The following YY1AP1 variants were observed in gnomAD, a reference collection of about 807,000 sequenced individuals.
The protein encoded by YY1AP1 is YY1-associated protein 1.
YY1AP1 carries 43 observed loss-of-function variants against 39.9 expected under a neutral mutation model. That is an observed-to-expected ratio of 1.08 (90% CI 0.84 to 1.39). YY1AP1 has a LOEUF of 1.39. YY1AP1 is among the 40% of genes most tolerant of loss of function. The pLI is 0.00. For missense variants in YY1AP1, 813 were observed against 900.7 expected (o/e 0.90, Z 1.25); for synonymous variants, 292 against 331.3 (o/e 0.88, Z 1.29).
At chr1:155,678,251 A>C (rs1651012647) in intron 4 of YY1AP1, among the ~76,000 whole-genome samples, 1 of 152,246 alleles carries the variant, frequency 6.6e-6, no homozygotes. Flanking sequence ...ATTTAGGTTT[A>C]TGTAAGTACA....
intron 5 of YY1AP1, among the ~76,000 whole-genome samples, chr1:155,675,559 C>G (rs1374600438): frequency 6.6e-6 from 1 of 151,990 alleles, no homozygotes; most frequent in Non-Finnish European, 1.5e-5. Context: ...CTCCTGACCT[C>G]ATGATTCACC....
intron 9 of YY1AP1, among the ~76,000 whole-genome samples, chr1:155,665,157 C>A (rs1261012674): frequency 5.3e-5 from 8 of 151,938 alleles, no homozygotes; most frequent in Non-Finnish European, 1.0e-4. Context: ...GTGGCTCATG[C>A]CTATAATCTC....
chr1:155,669,898 T>C (rs1179467890), intron 8 of YY1AP1, among the ~76,000 whole-genome samples: 5 of 152,082 alleles, frequency 3.3e-5, no homozygotes, highest in African/African-American at 9.7e-5. Flanking sequence ...TGGCACACGC[T>C]TGTGGTCCCA....
intron 2 of YY1AP1, among the ~76,000 whole-genome samples, chr1:155,683,137 T>C (rs1349645181): frequency 2.6e-5 from 4 of 151,984 alleles, no homozygotes. Context: ...AAAATAATTA[T>C]ATTTCAGGAA....
Position 155,660,502 on chromosome 1 carries a change from C to T in YY1AP1, c.1408G>A (p.Gly470Arg), listed in dbSNP as rs763564523. ...LQTVPGVPPL[G>R]VSGGESFESP... ...TCAAAACTCTCACCTCCACTGACCC[C>T]CAGTGGAGGGACACCTGGAACTGTC... The change falls in exon 11 of 11, where the codon GGG becomes AGG. Residue 470 changes from glycine (G) to arginine (R), a missense_variant. By Grantham distance (125) the Gly-to-Arg change is moderately radical. This residue lies in a region of YY1AP1 where 586 missense variants were observed against 647.4 expected (regional missense o/e 0.91). Transcript: ENST00000355499. The T allele has an allele frequency of 1.9e-6, 3 of 1,614,056 alleles. No homozygotes were observed. In the East Asian group the frequency reaches 6.7e-5, roughly 36 times the overall value.
In YY1AP1 at chr1:155,668,663, G is replaced by C. The variant is rs763750069; in HGVS notation, c.843C>G (p.Asn281Lys). Reference protein sequence around the residue: ...TARQLTVRIKNLNMNRAPDNI... With the variant: ...TARQLTVRIKKLNMNRAPDNI... ...TGTCAGGAGCTCTGTTCATGTTGAG[G>C]TTCTTGATTCTCACTGTCAGTTGGC... Residue 281 changes from asparagine to lysine, a missense_variant, in exon 9 of 11, where the codon AAC (asparagine) becomes AAG (lysine). Physicochemically the swap from Asn to Lys is moderately conservative, Grantham distance 94 (BLOSUM62 0). This residue lies in a region of YY1AP1 where 586 missense variants were observed against 647.4 expected (regional missense o/e 0.91). Transcript: ENST00000355499. The C allele has an allele frequency of 3.7e-6, 6 of 1,614,020 alleles. No individual in the cohort carries two copies.
At chr1:155,666,701 A>G (rs1649060035) in intron 9 of YY1AP1, among the ~76,000 whole-genome samples, 1 of 124,302 alleles carries the variant, frequency 8.0e-6, no homozygotes, top group African/African-American at 3.0e-5. Context: ...CCCCATCCCT[A>G]AAAAAAAAAA....
At position 155,688,741 on chromosome 1, in the gene YY1AP1, G is replaced by A. The variant is rs942027025; in HGVS notation, c.-234C>T. On this transcript the variant is annotated 5_prime_UTR_variant, in exon 1 of 11. Transcript: ENST00000355499. ...CCCGCCCGCACGGCCACCAACCGCC[G>A]CCAAAGCAGCCGCCGCCAGCACCCC... 1.1e-5 allele frequency: 17 copies of A among 1,487,992 alleles called. No individual in the cohort carries two copies. In the African/African-American group the frequency reaches 1.7e-4, roughly 15 times the overall value. 92.2% of individuals were successfully genotyped at this position (1,487,992 alleles called of 1,614,324 possible).
intron 2 of YY1AP1, among the ~76,000 whole-genome samples, chr1:155,684,543 T>C (rs1433829814): frequency 6.6e-6 from 1 of 151,840 alleles, no homozygotes; most frequent in African/African-American, 2.4e-5. Flanking sequence ...TAATCTGTCC[T>C]ATTAAAACAC....
chr1:155,659,489 G>C lies in YY1AP1; in HGVS notation c.*168C>G. On this transcript the variant is annotated 3_prime_UTR_variant, in exon 11 of 11. Coordinates refer to ENST00000355499, the MANE Select transcript of YY1AP1 (RefSeq NM_139119.3). ...AAAGCACAGATTTATTGAAGCAAAA[G>C]TATATTCCACAGAGTGGGAGCAGGC... is the stretch of plus-strand genomic sequence containing the variant. 1 of 678,030 alleles carries C rather than the reference G, an allele frequency of 1.5e-6. No individual in the cohort carries two copies. Among genetic ancestry groups the C allele is most frequent in the Non-Finnish European group, 2.6e-6 (1 of 388,118 alleles). 42.0% of individuals were successfully genotyped at this position (678,030 alleles called of 1,614,324 possible).
At chr1:155,679,137 T>C in intron 4 of YY1AP1, 1 of 1,385,616 alleles carries the variant, frequency 7.2e-7, no homozygotes, top group South Asian at 1.3e-5. Flanking sequence ...GAGTCCTACA[T>C]ACCTCTCCAG....
upstream of YY1AP1, chr1:155,688,950 G>A: frequency 6.2e-7 from 1 of 1,612,132 alleles, no homozygotes; most frequent in Non-Finnish European, 8.5e-7. Flanking sequence ...TCGTCGCCGC[G>A]GCGCTGCGGC....
chr1:155,661,416 T>C lies in YY1AP1; in HGVS notation c.887A>G (p.Lys296Arg). 3 of 1,613,834 alleles carry C rather than the reference T, an allele frequency of 1.9e-6. No homozygotes were observed. The highest frequency in any genetic ancestry group is 1.7e-4 in the Middle Eastern group (1 of 6,056). The change falls in exon 10 of 11, where the codon AAG becomes AGG. Residue 296 changes from lysine to arginine, a missense_variant. Physicochemically the swap from Lys to Arg is conservative, Grantham distance 26 (BLOSUM62 2). This residue lies in a region of YY1AP1 where 586 missense variants were observed against 647.4 expected (regional missense o/e 0.91). Transcript: ENST00000355499. Reference protein sequence around the residue: ...RAPDNIIKFYKKTKQLPVLGK... With the variant: ...RAPDNIIKFYRKTKQLPVLGK... Reference sequence around the variant, plus strand: ...TAGGACTGGCAGCTGTTTGGTCTTCTTATAAAACTTAACATGAAAAAAATG... The same window carrying C: ...TAGGACTGGCAGCTGTTTGGTCTTCCTATAAAACTTAACATGAAAAAAATG...
At chr1:155,668,076 TG>T (rs1176677352) in intron 9 of YY1AP1, among the ~76,000 whole-genome samples, 2 of 151,840 alleles carry the variant, frequency 1.3e-5, no homozygotes, top group Non-Finnish European at 2.9e-5. Context: ...CCAAAACTGG[TG>T]GATCACTTGA....
At chr1:155,677,585 T>C (rs1465734596) in intron 4 of YY1AP1, among the ~76,000 whole-genome samples, 3 of 152,218 alleles carry the variant, frequency 2.0e-5, no homozygotes, top group Non-Finnish European at 4.4e-5. Flanking sequence ...GAACCCCCTA[T>C]ATTACAGCAA....
intron 7 of YY1AP1, 90 bp downstream of exon 7, chr1:155,672,470 G>T: frequency 6.4e-7 from 1 of 1,571,410 alleles, no homozygotes; most frequent in Non-Finnish European, 8.7e-7. Context: ...CCATTCCTAG[G>T]CAAGTATCCT....
intron 10 of YY1AP1, 56 bp from the exon 11 acceptor site, chr1:155,660,969 T>A (rs778520658): frequency 6.2e-7 from 1 of 1,611,850 alleles, no homozygotes; most frequent in Non-Finnish European, 8.5e-7. Flanking sequence ...GGAAAAAGAA[T>A]AGGACTTTCT....
chr1:155,679,203 C>A (rs1472037160), intron 4 of YY1AP1: 1 of 1,510,634 alleles, frequency 6.6e-7, no homozygotes, highest in African/African-American at 1.4e-5. Flanking sequence ...TTCTCCCTTC[C>A]CAAACAGATA....
At chr1:155,684,805 C>T (rs1163317131) in intron 2 of YY1AP1, among the ~76,000 whole-genome samples, 2 of 152,078 alleles carry the variant, frequency 1.3e-5, no homozygotes, top group Admixed American at 6.6e-5. Flanking sequence ...AGGCTGGTCT[C>T]GATCTTCTGA....
Sources: allele counts gnomAD v4.1 joint callset (sites outside exome capture counted in the v4.1 genomes callset), GRCh38; gene constraint gnomAD v4.1.1; regional missense constraint gnomAD v4.1.1; transcripts MANE v1.5; gene names NCBI Gene and HGNC (gene_info 2026-07-23, HGNC 2026-07-21).